CCR6: variants seen among roughly 807,000 people sequenced by gnomAD.
CCR6 encodes C-C chemokine receptor type 6.
A neutral mutation model predicts 3.0 loss-of-function variants in CCR6; 2 were observed. The ratio of observed to expected loss-of-function variants is 0.66; its 90% CI spans 0.27 to 2.07. CCR6 has a LOEUF of 2.07. Ranked by LOEUF, CCR6 falls within the 30% of genes most tolerant of loss-of-function variation. CCR6 has a pLI of 0.14. For missense variants in CCR6, 322 were observed against 462.8 expected, an observed-to-expected ratio of 0.70 and a Z score of 2.79; for synonymous variants, 193 against 184.3, an observed-to-expected ratio of 1.05 and a Z score of -0.38.
At chr6:167,113,399 G>A (rs1337853020) in intron 1 of CCR6, among the ~76,000 whole-genome samples, 2 of 152,212 alleles carry the variant, frequency 1.3e-5, no homozygotes. Flanking sequence ...ATGGCAGACA[G>A]CCAGGTGCAG....
chr6:167,114,263 C>T (rs2114907941), intron 1 of CCR6, among the ~76,000 whole-genome samples: 1 of 152,310 alleles, frequency 6.6e-6, no homozygotes, highest in East Asian at 1.9e-4. Flanking sequence ...ACACAAGCTG[C>T]CTGAAATCCT....
At chr6:167,116,942 T>C (rs1339407759) in intron 1 of CCR6, 1 of 152,242 alleles carries the variant, frequency 6.6e-6, no homozygotes, top group Non-Finnish European at 1.5e-5. Flanking sequence ...AGGAAGATAA[T>C]GCTGCAGGAG....
At chr6:167,112,613 GGT>G (rs1286008130) in intron 1 of CCR6, among the ~76,000 whole-genome samples, 1 of 152,166 alleles carries the variant, frequency 6.6e-6, no homozygotes, top group Non-Finnish European at 1.5e-5. Flanking sequence ...CAGAATGGGG[GGT>G]GCTGGTGGAT....
In CCR6 at chr6:167,136,734, C is replaced by T. The variant is rs768420505; in HGVS notation, c.504C>T (p.Cys168=). The T allele has an allele frequency of 1.2e-6, 2 of 1,614,042 alleles. No individual in the cohort carries two copies. The highest frequency in any genetic ancestry group is 1.3e-5 in the African/African-American group (1 of 75,048). ...CACTACCGCGCAGCAAAATCATCTG[C>T]CTTGTTGTGTGGGGGCTGTCAGTCA... is the stretch of plus-strand genomic sequence containing the variant. ...SRTLPRSKII[C]LVVWGLSVII... is the part of the protein sequence containing the mutation. Residue 168 remains cysteine (C), a synonymous_variant, in exon 3 of 3, where the codon TGC becomes TGT. Coordinates refer to ENST00000341935, the MANE Select transcript of CCR6 (RefSeq NM_031409.4). The surrounding 1 kb of genome is among the most constrained non-coding windows in gnomAD (Gnocchi z 4.6).
intron 1 of CCR6, among the ~76,000 whole-genome samples, chr6:167,132,012 A>T (rs1002349996): frequency 9.2e-5 from 14 of 152,144 alleles, no homozygotes; most frequent in African/African-American, 3.4e-4. Flanking sequence ...CGTCCTGATG[A>T]CAATCCCTGA....
intron 1 of CCR6, among the ~76,000 whole-genome samples, chr6:167,133,143 A>G (rs541198677): frequency 2.6e-5 from 4 of 152,278 alleles, no homozygotes; most frequent in African/African-American, 9.6e-5. Flanking sequence ...ACAATTTATC[A>G]ATTTTTTTAC....
At chr6:167,130,872 C>T (rs1781742086) in intron 1 of CCR6, among the ~76,000 whole-genome samples, 1 of 148,588 alleles carries the variant, frequency 6.7e-6, no homozygotes, top group South Asian at 2.1e-4. Context: ...CTGCCGGGAA[C>T]TTCCTGCCCT....
chr6:167,127,779 G>A (rs1456659386), intron 1 of CCR6, among the ~76,000 whole-genome samples: 1 of 152,172 alleles, frequency 6.6e-6, no homozygotes, highest in African/African-American at 2.4e-5. Flanking sequence ...GCGATTACAG[G>A]TGTGAGCCAC....
At chr6:167,115,125 C>T (rs1582989214) in intron 1 of CCR6, 1 of 152,226 alleles carries the variant, frequency 6.6e-6, no homozygotes, top group South Asian at 2.1e-4. Context: ...CGACATACAT[C>T]GCCAAGACAG....
rs1168704678 is a variant in CCR6 at position 167,136,814 on chromosome 6, A to G, written c.584A>G (p.Asp195Gly). The change falls in exon 3 of 3, where the codon GAT becomes GGT. Residue 195 changes from aspartate (D) to glycine (G), a missense_variant. Physicochemically the swap from Asp to Gly is moderately conservative, Grantham distance 94 (BLOSUM62 -1). Transcript: ENST00000341935. This position sits in a 1 kb window ranked among gnomAD's most constrained non-coding sequence, Gnocchi z 4.6. Reference sequence around the variant, plus strand: ...CAAAAATACAACACCCAAGGCAGCGATGTCTGTGAACCCAAGTACCAGACT... The same window carrying G: ...CAAAAATACAACACCCAAGGCAGCGGTGTCTGTGAACCCAAGTACCAGACT... ...FNQKYNTQGS[D>G]VCEPKYQTVS... is the part of the protein sequence containing the mutation. The G allele has an allele frequency of 6.2e-7, 1 of 1,613,980 alleles. No homozygotes were observed. Among genetic ancestry groups the G allele is most frequent in the African/African-American group, 1.3e-5 (1 of 74,936 alleles).
At chr6:167,115,352 A>G (rs1174902905) in intron 1 of CCR6, 3 of 152,270 alleles carry the variant, frequency 2.0e-5, no homozygotes, top group Non-Finnish European at 4.4e-5. Flanking sequence ...CCTTTGCGGA[A>G]TATGATTGGG....
upstream of CCR6, among the ~76,000 whole-genome samples, chr6:167,120,697 G>A (rs1316571666): frequency 6.6e-6 from 1 of 152,162 alleles, no homozygotes; most frequent in Non-Finnish European, 1.5e-5. Flanking sequence ...AACTTCTGAT[G>A]TTGCTGTGGA....
chr6:167,128,088 GAGA>G (rs1045469528), intron 1 of CCR6, among the ~76,000 whole-genome samples: 3 of 152,324 alleles, frequency 2.0e-5, no homozygotes, highest in African/African-American at 7.2e-5. Context: ...CGTCTCCAGG[GAGA>G]AGGACTCTTC....
chr6:167,124,482 ACAC>A (rs1351906121), intron 1 of CCR6, among the ~76,000 whole-genome samples: 1 of 152,238 alleles, frequency 6.6e-6, no homozygotes, highest in African/African-American at 2.4e-5. Flanking sequence ...AATGTATTGA[ACAC>A]CTACCATTAC....
chr6:167,131,911 G>A (rs1272590970), intron 1 of CCR6, among the ~76,000 whole-genome samples: 1 of 152,170 alleles, frequency 6.6e-6, no homozygotes, highest in African/African-American at 2.4e-5. Context: ...AGGGCACCCA[G>A]CCATGTGCCA....
At chr6:167,113,670 A>G (rs1486696299) in intron 1 of CCR6, among the ~76,000 whole-genome samples, 2 of 152,214 alleles carry the variant, frequency 1.3e-5, no homozygotes, top group Non-Finnish European at 2.9e-5. Flanking sequence ...ATTTTCACCC[A>G]TCAGATCCCA....
chr6:167,134,725 A>G lies in CCR6; in HGVS notation c.-97-1313A>G, dbSNP rs545504880. On this transcript the variant is annotated intron_variant, in intron 1 of 2. Coordinates refer to ENST00000341935, the MANE Select transcript of CCR6 (RefSeq NM_031409.4). ...ACTTCCCTAGCTGCTCCCGCTTGGCATGGCCAGGCCCACGTGGTGCGAGAG... is the reference window on the plus strand; with the variant it reads ...ACTTCCCTAGCTGCTCCCGCTTGGCGTGGCCAGGCCCACGTGGTGCGAGAG... Among the ~76,000 whole-genome samples, 8 of 152,314 alleles carry G rather than the reference A, an allele frequency of 5.3e-5. No homozygotes were observed. In the South Asian group the frequency reaches 1.7e-3, roughly 32 times the overall value.
At chr6:167,120,575 G>A (rs1312432339), upstream of CCR6, among the ~76,000 whole-genome samples, 1 of 152,278 alleles carries the variant, frequency 6.6e-6, no homozygotes, top group Non-Finnish European at 1.5e-5. Flanking sequence ...CTGTAGGATT[G>A]TAGCCAGAGG....
In CCR6 at chr6:167,133,932, GTATA is replaced by G. The variant is rs6149918; in HGVS notation, c.-97-2071_-97-2068del. 2.1e-3 allele frequency among the ~76,000 whole-genome samples: 229 copies of G among 110,376 alleles called. 3 individuals are homozygous for G. Among genetic ancestry groups the G allele is most frequent in the South Asian group, 6.3e-3 (22 of 3,468 alleles). The allele number at this position is 110,376 out of a possible 152,430, so 72.4% of individuals were successfully genotyped here. A position where few individuals can be genotyped will look rare whatever the true frequency, so the allele number is the denominator to read the frequency against. On this transcript the variant is annotated intron_variant, in intron 1 of 2. Transcript: ENST00000341935. The stretch of plus-strand genomic sequence containing the variant: ...ATACTATTATATATGATATATGTGT[GTATA>G]TATATATATATATATATATATATAT...
Sources: gnomAD v4.1 joint callset for allele counts (sites outside exome capture counted in the v4.1 genomes callset) on GRCh38, gnomAD v4.1.1 for gene constraint, Gnocchi (gnomAD v3.1) non-coding constraint, MANE v1.5 for transcripts, NCBI Gene and HGNC (gene_info 2026-07-23, HGNC 2026-07-21) for gene names.